TNRC6A: variants seen among roughly 807,000 people sequenced by gnomAD.
TNRC6A encodes trinucleotide repeat-containing gene 6A protein.
A neutral mutation model predicts 221.2 loss-of-function variants in TNRC6A; 44 were observed. The ratio of observed to expected loss-of-function variants is 0.20; its 90% CI spans 0.16 to 0.26. TNRC6A has a LOEUF of 0.26. Ranked by LOEUF, TNRC6A falls within the 10% of genes least tolerant of loss-of-function variation. The probability of loss-of-function intolerance (pLI) is 1.00; values close to 1 mark genes in which losing one functional copy is unlikely to be tolerated. For missense variants in TNRC6A, 2,199 were observed against 2,404.4 expected (o/e 0.91, Z 1.79); for synonymous variants, 847 against 838.5 (o/e 1.01, Z -0.18).
chr16:24,734,074 C>T lies in TNRC6A; in HGVS notation c.53+3774C>T, dbSNP rs143645619. 2.8e-3 allele frequency among the ~76,000 whole-genome samples: 427 copies of T among 152,190 alleles called. 4 individuals carry two copies. The highest frequency in any genetic ancestry group is 9.9e-3 in the African/African-American group (410 of 41,514). On this transcript the variant is annotated intron_variant, in intron 2 of 24. Transcript: ENST00000395799. Reference sequence around the variant, plus strand: ...CCTGTAGTCCCAGCTACTTGGGAGGCTGAGGTGGGAGGTTTGCTTGAGCCC... The same window carrying T: ...CCTGTAGTCCCAGCTACTTGGGAGGTTGAGGTGGGAGGTTTGCTTGAGCCC...
chr16:24,760,349 C>CT (rs1193489074), intron 4 of TNRC6A, among the ~76,000 whole-genome samples: 3 of 152,100 alleles, frequency 2.0e-5, no homozygotes, highest in African/African-American at 4.8e-5. Flanking sequence ...TCTTCAACAT[C>CT]TTTGAGTACC....
At chr16:24,661,858 T>C (rs1382529159) in intron 2 of TNRC6A, 3 of 152,228 alleles carry the variant, frequency 2.0e-5, no homozygotes, top group Admixed American at 1.3e-4. Flanking sequence ...ATCATGTTTC[T>C]ACAGTACTGG....
At chr16:24,770,434 T>C (rs2057566441) in intron 4 of TNRC6A, among the ~76,000 whole-genome samples, 2 of 152,080 alleles carry the variant, frequency 1.3e-5, no homozygotes, top group African/African-American at 4.8e-5. Flanking sequence ...TAGGAGGTTT[T>C]TGTGAGAGTA....
intron 3 of TNRC6A, among the ~76,000 whole-genome samples, chr16:24,754,382 A>G (rs1024716331): frequency 3.3e-5 from 5 of 152,204 alleles, no homozygotes; most frequent in Admixed American, 2.6e-4. Context: ...CAGCCCCAAT[A>G]CATTTCTAAT....
rs1161027103 is a variant in TNRC6A, at chr16:24,819,187, TGTG to T, written c.5080+493_5080+495del. Among the ~76,000 whole-genome samples the T allele has an allele frequency of 3.9e-5, 6 of 152,216 alleles. No individual in the cohort carries two copies. In the South Asian group the frequency reaches 6.2e-4, roughly 16 times the overall value. ...GCAGCAGATTAGTATGAAACTGTGT[TGTG>T]GTGGTCTCCTGGCCATACCCTGAGT... On this transcript the variant is annotated intron_variant, in intron 21 of 24. Transcript: ENST00000395799.
Position 24,789,422 on chromosome 16 carries a change from C to T in TNRC6A, c.780C>T (p.Ser260=). 6.2e-7 allele frequency: 1 copy of T among 1,614,190 alleles called. No individual in the cohort carries two copies. Among genetic ancestry groups the T allele is most frequent in the South Asian group, 1.1e-5 (1 of 91,082 alleles). ...ASECMDADSA[S]SSESERNITI... is the part of the protein sequence containing the mutation. ...AATGTATGGATGCTGATTCTGCCTC[C>T]AGTTCTGAATCAGAGAGAAACATCA... Residue 260 remains serine, a synonymous_variant, in exon 6 of 25, where the codon TCC becomes TCT. Coordinates refer to ENST00000395799, the MANE Select transcript of TNRC6A (RefSeq NM_014494.4).
In TNRC6A at chr16:24,805,599, C is replaced by T; in HGVS notation, c.4123-6C>T. On this transcript the variant is annotated splice_polypyrimidine_tract_variant and splice_region_variant and intron_variant, in intron 14 of 24. Transcript: ENST00000395799. ...AAGATCATTAACTTACCATTGTGAT[C>T]CTAAGGTTCCAGTTTCATTGCTGAA... is the stretch of plus-strand genomic sequence containing the variant. The T allele has an allele frequency of 6.2e-7, 1 of 1,613,986 alleles. No individual in the cohort carries two copies. The highest frequency in any genetic ancestry group is 8.5e-7 in the Non-Finnish European group (1 of 1,179,954).
At chr16:24,702,912 G>A (rs560163687) in intron 2 of TNRC6A, among the ~76,000 whole-genome samples, 1 of 152,002 alleles carries the variant, frequency 6.6e-6, no homozygotes, top group South Asian at 2.1e-4. Flanking sequence ...GCGGGCACCT[G>A]TAGTCCCAGC....
intron 2 of TNRC6A, among the ~76,000 whole-genome samples, chr16:24,702,259 C>T (rs1003139892): frequency 6.6e-6 from 1 of 150,694 alleles, no homozygotes. Context: ...CTCACTGCAG[C>T]CTCTGCCTCT....
At chr16:24,663,980 C>G (rs755755407) in intron 2 of TNRC6A, 1 of 456,544 alleles carries the variant, frequency 2.2e-6, no homozygotes, top group Non-Finnish European at 4.4e-6. Flanking sequence ...CAGGGTTTAA[C>G]CATCCCAAGC....
intron 2 of TNRC6A, among the ~76,000 whole-genome samples, chr16:24,642,079 TC>T (rs1901978066): frequency 6.6e-6 from 1 of 152,180 alleles, no homozygotes. Flanking sequence ...ACTGATCATT[TC>T]AGAGGATCTA....
chr16:24,732,483 C>G (rs1218817034), intron 2 of TNRC6A, among the ~76,000 whole-genome samples: 1 of 152,014 alleles, frequency 6.6e-6, no homozygotes, highest in Non-Finnish European at 1.5e-5. Context: ...CTTGAAAAAC[C>G]CTGTGAGGTA....
intron 4 of TNRC6A, among the ~76,000 whole-genome samples, chr16:24,770,184 C>T (rs977833947): frequency 3.9e-5 from 6 of 152,058 alleles, no homozygotes; most frequent in Admixed American, 3.9e-4. Context: ...CGTGAAAGAA[C>T]GTGATACGTT....
At chr16:24,702,677 A>C (rs1255614397) in intron 2 of TNRC6A, among the ~76,000 whole-genome samples, 1 of 152,080 alleles carries the variant, frequency 6.6e-6, no homozygotes, top group Non-Finnish European at 1.5e-5. Flanking sequence ...TCGAGGCTGC[A>C]GTGAGCTGTG....
At chr16:24,802,645 T>A (rs1373958950) in intron 11 of TNRC6A, among the ~76,000 whole-genome samples, 4 of 152,212 alleles carry the variant, frequency 2.6e-5, no homozygotes, top group African/African-American at 4.8e-5. Flanking sequence ...GCAACATGTT[T>A]ATATTTGGGC....
At chr16:24,639,742 C>G (rs1441702844) in intron 1 of TNRC6A, among the ~76,000 whole-genome samples, 1 of 152,080 alleles carries the variant, frequency 6.6e-6, no homozygotes, top group African/African-American at 2.4e-5. Flanking sequence ...CTTGGACTCA[C>G]TCAAGTGATC....
At chr16:24,658,673 G>A (rs1329061676) in intron 2 of TNRC6A, among the ~76,000 whole-genome samples, 4 of 151,600 alleles carry the variant, frequency 2.6e-5, no homozygotes, top group Non-Finnish European at 5.9e-5. Context: ...TGTTTCTAAT[G>A]TTGTGTTTTT....
At chr16:24,782,319 G>C (rs2057867696) in intron 5 of TNRC6A, among the ~76,000 whole-genome samples, 1 of 152,180 alleles carries the variant, frequency 6.6e-6, no homozygotes, top group African/African-American at 2.4e-5. Context: ...CATTGCATTT[G>C]GTTGTGATAT....
chr16:24,631,671 C>T (rs1901346920), intron 1 of TNRC6A, among the ~76,000 whole-genome samples: 1 of 151,860 alleles, frequency 6.6e-6, no homozygotes, highest in Non-Finnish European at 1.5e-5. Context: ...GCTTGGGAGG[C>T]TGAGGCATAA....
Sources: gnomAD v4.1 joint callset for allele counts (sites outside exome capture counted in the v4.1 genomes callset) on GRCh38, gnomAD v4.1.1 for gene constraint, MANE v1.5 for transcripts, NCBI Gene and HGNC (gene_info 2026-07-23, HGNC 2026-07-21) for gene names.